Variants in PCDHA7 observed in about 807,000 individuals in gnomAD.
PCDHA7 encodes protocadherin alpha 7.
In PCDHA7, 37 loss-of-function variants were observed where a neutral mutation model predicts 57.2. The observed-to-expected ratio is 0.65, with a 90% CI of 0.50 to 0.85. The LOEUF (loss-of-function observed/expected upper bound fraction) is 0.85, where lower values mean the gene tolerates loss of function less well. Among genes scored for constraint, PCDHA7 ranks in the 40% least tolerant of loss-of-function variants. The pLI is 0.00. For synonymous variants in PCDHA7, 553 were observed against 558.8 expected (o/e 0.99, Z 0.15); for missense variants, 1,188 against 1,241.8 (o/e 0.96, Z 0.65).
chr5:140,912,532 G>T (rs1554195398), intron 1 of PCDHA7, among the ~76,000 whole-genome samples: 1 of 152,092 alleles, frequency 6.6e-6, no homozygotes, highest in African/African-American at 2.4e-5. Flanking sequence ...CAGAGTACAT[G>T]ATCATATTGT....
intron 1 of PCDHA7, chr5:140,856,159 G>A (rs1554148275): frequency 6.3e-7 from 1 of 1,598,348 alleles, no homozygotes; most frequent in Non-Finnish European, 8.6e-7. Context: ...TCTACGAGGA[G>A]GCCAGACACG....
intron 3 of PCDHA7, among the ~76,000 whole-genome samples, chr5:141,002,788 A>G (rs1013908430): frequency 6.6e-6 from 1 of 152,192 alleles, no homozygotes; most frequent in Admixed American, 6.5e-5. Context: ...TCTCCATTTT[A>G]TGGATGAGGA....
chr5:140,883,302 A>T (rs1177736093), intron 1 of PCDHA7: 1 of 1,613,992 alleles, frequency 6.2e-7, no homozygotes, highest in African/African-American at 1.3e-5. Context: ...GATGTAAATG[A>T]TAACGCCCCA....
intron 1 of PCDHA7, chr5:140,850,088 A>G (rs2150466412): frequency 3.0e-5 from 48 of 1,596,270 alleles, no homozygotes; most frequent in South Asian, 6.6e-5. Context: ...TGGAGCTGCT[A>G]CAGTTCCAGG....
chr5:140,856,771 T>A, intron 1 of PCDHA7: 1 of 1,596,918 alleles, frequency 6.3e-7, no homozygotes, highest in Non-Finnish European at 8.6e-7. Flanking sequence ...CCCCTATCTT[T>A]GACAGACCGG....
Position 140,871,139 on chromosome 5 carries a change from C to T in PCDHA7, c.2355+34401C>T, listed in dbSNP as rs782085001. 8 of 1,613,312 alleles carry T rather than the reference C, an allele frequency of 5.0e-6. No individual in the cohort carries two copies. The African/African-American group carries it at 6.7e-5, about 13-fold the overall frequency. On this transcript the variant is annotated intron_variant, in intron 1 of 3. Coordinates refer to ENST00000525929, the MANE Select transcript of PCDHA7 (RefSeq NM_018910.3). ...AGCGGACAGGCGCCAAAGGCCTCTTCCCGGACTTTGGCGGGCGCCGCGAGC... is the reference window on the plus strand; with the variant it reads ...AGCGGACAGGCGCCAAAGGCCTCTTTCCGGACTTTGGCGGGCGCCGCGAGC...
rs139533789 is a variant in PCDHA7, at chr5:140,857,716, C to T, written c.2355+20978C>T. On this transcript the variant is annotated intron_variant, in intron 1 of 3. Coordinates refer to ENST00000525929, the MANE Select transcript of PCDHA7 (RefSeq NM_018910.3). Reference sequence around the variant, plus strand: ...TGACGCTGCAGGTGTTCGTGCTGGACGAGAACGACAACGCTCCCGCGCTGC... The same window carrying T: ...TGACGCTGCAGGTGTTCGTGCTGGATGAGAACGACAACGCTCCCGCGCTGC... 4,225 of 1,597,384 alleles carry T rather than the reference C, an allele frequency of 2.6e-3. 332 individuals are homozygous for T. The highest frequency in any genetic ancestry group is 8.2e-3 in the Middle Eastern group (46 of 5,608).
At chr5:140,919,876 G>A (rs2079336654) in intron 1 of PCDHA7, among the ~76,000 whole-genome samples, 1 of 152,174 alleles carries the variant, frequency 6.6e-6, no homozygotes, top group Non-Finnish European at 1.5e-5. Flanking sequence ...AGTCTTTGAA[G>A]ACATAATTAT....
intron 3 of PCDHA7, among the ~76,000 whole-genome samples, chr5:141,005,701 CAAAAAAAAAA>C (rs59860837): frequency 9.0e-4 from 7 of 7,792 alleles, no homozygotes; most frequent in East Asian, 6.4e-3. Context: ...AACTCCGTCT[CAAAAAAAAAA>C]AAAAAAAAAA....
intron 1 of PCDHA7, among the ~76,000 whole-genome samples, chr5:140,951,667 C>T (rs180768474): frequency 6.6e-6 from 1 of 152,156 alleles, no homozygotes; most frequent in African/African-American, 2.4e-5. Context: ...GGCCTGCCTA[C>T]AAAATTGGGG....
intron 3 of PCDHA7, among the ~76,000 whole-genome samples, chr5:141,001,563 C>A (rs531745574): frequency 6.6e-6 from 1 of 152,296 alleles, no homozygotes; most frequent in South Asian, 2.1e-4. Context: ...GACCACGATT[C>A]TCCTGTGTTT....
intron 1 of PCDHA7, chr5:140,877,085 G>T: frequency 6.2e-7 from 1 of 1,613,214 alleles, no homozygotes; most frequent in Non-Finnish European, 8.5e-7. Context: ...GTGAGCGCGC[G>T]CGACGCCGGC....
At chr5:140,942,619 TAA>T (rs35075175) in intron 1 of PCDHA7, among the ~76,000 whole-genome samples, 10 of 148,966 alleles carry the variant, frequency 6.7e-5, no homozygotes, top group Middle Eastern at 3.4e-3. Context: ...TTGCCAATTG[TAA>T]AAAAAAAAAT....
chr5:140,870,197 G>A lies in PCDHA7; in HGVS notation c.2355+33459G>A. The stretch of plus-strand genomic sequence containing the variant: ...CCAGTACGAGAGGACGCTCAGCCCA[G>A]CACGGTCATTGCCCTGATCAGCGTG... On this transcript the variant is annotated intron_variant, in intron 1 of 3. Coordinates refer to ENST00000525929, the MANE Select transcript of PCDHA7 (RefSeq NM_018910.3). 1 of 1,614,174 alleles carries A rather than the reference G, an allele frequency of 6.2e-7. No individual in the cohort carries two copies. Among genetic ancestry groups the A allele is most frequent in the East Asian group, 2.2e-5 (1 of 44,880 alleles).
chr5:140,857,507 G>T, intron 1 of PCDHA7: 2 of 1,598,302 alleles, frequency 1.3e-6, no homozygotes, highest in African/African-American at 1.3e-5. Context: ...GCAGGAGAAC[G>T]CCCTGGTGTC....
At chr5:140,846,197 G>T (rs2150385759) in intron 1 of PCDHA7, among the ~76,000 whole-genome samples, 2 of 149,386 alleles carry the variant, frequency 1.3e-5, no homozygotes, top group African/African-American at 2.5e-5. Context: ...TTCTTTGTAT[G>T]TATGAGATCT....
intron 3 of PCDHA7, among the ~76,000 whole-genome samples, chr5:141,005,701 CAA>C (rs59860837): frequency 3.2e-3 from 25 of 7,784 alleles, no homozygotes; most frequent in African/African-American, 6.6e-3. Flanking sequence ...AACTCCGTCT[CAA>C]AAAAAAAAAA....
intron 1 of PCDHA7, among the ~76,000 whole-genome samples, chr5:140,899,683 T>A (rs1554188699): frequency 6.6e-6 from 1 of 152,222 alleles, no homozygotes; most frequent in African/African-American, 2.4e-5. Flanking sequence ...ATCAGGATGA[T>A]GCTGGCCTCA....
At chr5:140,967,357 T>C (rs782125763) in intron 1 of PCDHA7, 2 of 1,608,222 alleles carry the variant, frequency 1.2e-6, no homozygotes, top group Non-Finnish European at 1.7e-6. Context: ...AGCTGGACCT[T>C]AAGCCCCTGC....
Sources: allele counts gnomAD v4.1 joint callset (sites outside exome capture counted in the v4.1 genomes callset), GRCh38; gene constraint gnomAD v4.1.1; transcripts MANE v1.5; gene names NCBI Gene and HGNC (gene_info 2026-07-23, HGNC 2026-07-21).